The following FUT9 variants were observed in gnomAD, a reference collection of about 807,000 sequenced individuals.
The protein encoded by FUT9 is fucosyltransferase 9.
In FUT9, 15 loss-of-function variants were observed where a neutral mutation model predicts 29.7. The ratio of observed to expected loss-of-function variants is 0.51; its 90% CI spans 0.34 to 0.78. The LOEUF is 0.78. Among genes scored for constraint, FUT9 ranks in the 30% least tolerant of loss-of-function variants. FUT9 has a pLI of 0.01. For synonymous variants in FUT9, 169 were observed against 153.7 expected (o/e 1.10, Z -0.74); for missense variants, 319 against 425.4 (o/e 0.75, Z 2.20).
chr6:96,061,603 AT>A (rs929024334), intron 1 of FUT9, among the ~76,000 whole-genome samples: 2 of 151,616 alleles, frequency 1.3e-5, no homozygotes, highest in African/African-American at 2.4e-5. Flanking sequence ...TGCTTTTTAT[AT>A]TTTTTTCTGA....
intron 1 of FUT9, among the ~76,000 whole-genome samples, chr6:96,092,936 T>A (rs981150479): frequency 4.0e-5 from 6 of 150,714 alleles, no homozygotes; most frequent in Admixed American, 1.3e-4. Flanking sequence ...AATTAAAAAA[T>A]TTTAAAAAAA....
chr6:96,154,895 G>T (rs1289436523), intron 2 of FUT9, among the ~76,000 whole-genome samples: 6 of 152,186 alleles, frequency 3.9e-5, no homozygotes, highest in African/African-American at 1.4e-4. Flanking sequence ...ATAGGCAGTG[G>T]ATTAGGTTTC....
chr6:96,178,470 AT>A (rs1361949096), intron 2 of FUT9, among the ~76,000 whole-genome samples: 1 of 152,184 alleles, frequency 6.6e-6, no homozygotes, highest in Non-Finnish European at 1.5e-5. Context: ...ATCAAACTAT[AT>A]AATAAGGCTA....
intron 1 of FUT9, among the ~76,000 whole-genome samples, chr6:96,087,643 G>A (rs1424848336): frequency 6.6e-6 from 1 of 152,120 alleles, no homozygotes; most frequent in Non-Finnish European, 1.5e-5. Context: ...GGAATTACAT[G>A]CGTGAGCCAC....
chr6:96,083,826 C>CT (rs1452336111), intron 1 of FUT9, among the ~76,000 whole-genome samples: 1 of 152,046 alleles, frequency 6.6e-6, no homozygotes, highest in Non-Finnish European at 1.5e-5. Flanking sequence ...TAGCATTTCT[C>CT]TTATTTAATC....
chr6:96,044,651 T>TC (rs1311708345), intron 1 of FUT9, among the ~76,000 whole-genome samples: 2 of 152,204 alleles, frequency 1.3e-5, no homozygotes, highest in East Asian at 1.9e-4. Flanking sequence ...TGCTTTTTTT[T>TC]CCCCCTGATT....
intron 1 of FUT9, among the ~76,000 whole-genome samples, chr6:96,109,728 C>T (rs548195908): frequency 6.6e-6 from 1 of 152,312 alleles, no homozygotes; most frequent in South Asian, 2.1e-4. Flanking sequence ...AGGCTTGCCC[C>T]TCTATTGTCA....
chr6:96,022,721 C>A (rs1770095293), intron 1 of FUT9, among the ~76,000 whole-genome samples: 2 of 151,804 alleles, frequency 1.3e-5, no homozygotes, highest in South Asian at 4.1e-4. Flanking sequence ...CCCCTTTTTA[C>A]CTTTGTTCGT....
chr6:96,045,570 C>G (rs962507545), intron 1 of FUT9, among the ~76,000 whole-genome samples: 2 of 152,126 alleles, frequency 1.3e-5, no homozygotes, highest in African/African-American at 4.8e-5. Context: ...CCAAGACTGA[C>G]AAGTAAGCAG....
chr6:96,188,739 C>G (rs1203237785), intron 2 of FUT9, among the ~76,000 whole-genome samples: 2 of 148,656 alleles, frequency 1.3e-5, no homozygotes, highest in South Asian at 2.1e-4. Context: ...GTTAAATGAA[C>G]AGTAAGAAAT....
chr6:96,055,970 T>A (rs1250421598), intron 1 of FUT9, among the ~76,000 whole-genome samples: 1 of 152,198 alleles, frequency 6.6e-6, no homozygotes, highest in African/African-American at 2.4e-5. Context: ...AATATCAAAA[T>A]AATATTTGAA....
intron 2 of FUT9, among the ~76,000 whole-genome samples, chr6:96,152,933 G>C (rs1197305808): frequency 6.6e-6 from 1 of 152,290 alleles, no homozygotes; most frequent in East Asian, 1.9e-4. Flanking sequence ...GCTGAGCTTT[G>C]CCTCACAGAG....
chr6:96,112,359 T>C (rs1189468197), intron 1 of FUT9, among the ~76,000 whole-genome samples: 1 of 152,210 alleles, frequency 6.6e-6, no homozygotes, highest in East Asian at 1.9e-4. Context: ...TACAATGTCT[T>C]ATGCATTTGA....
intron 2 of FUT9, among the ~76,000 whole-genome samples, chr6:96,159,862 T>C (rs552746960): frequency 8.5e-5 from 13 of 152,324 alleles, no homozygotes; most frequent in African/African-American, 2.6e-4. Flanking sequence ...CACTGATCCA[T>C]GCTTTATTAG....
At chr6:96,165,154 G>T (rs536456712) in intron 2 of FUT9, among the ~76,000 whole-genome samples, 1 of 152,100 alleles carries the variant, frequency 6.6e-6, no homozygotes, top group Non-Finnish European at 1.5e-5. Flanking sequence ...CTCACAGGCT[G>T]GGAGTGGTGG....
chr6:96,198,919 T>C (rs1554199718), intron 2 of FUT9, among the ~76,000 whole-genome samples: 1 of 152,078 alleles, frequency 6.6e-6, no homozygotes, highest in Non-Finnish European at 1.5e-5. Flanking sequence ...ATGTCTTCTT[T>C]TGAGAAGTGT....
intron 2 of FUT9, among the ~76,000 whole-genome samples, chr6:96,164,494 G>A (rs1172512058): frequency 1.3e-5 from 2 of 152,034 alleles, no homozygotes. Context: ...TCCTGACCTC[G>A]TGATCCACCC....
At chr6:96,107,888 A>G (rs1771722107) in intron 1 of FUT9, among the ~76,000 whole-genome samples, 1 of 152,162 alleles carries the variant, frequency 6.6e-6, no homozygotes. Context: ...AGAGAGAAGG[A>G]ATAAGAAGAA....
intron 1 of FUT9, among the ~76,000 whole-genome samples, chr6:96,074,430 T>G (rs1024329782): frequency 6.6e-6 from 1 of 152,280 alleles, no homozygotes; most frequent in African/African-American, 2.4e-5. Flanking sequence ...GCCAAGTTTA[T>G]TAATATATAG....
Sources: gnomAD v4.1 joint callset for allele counts (sites outside exome capture counted in the v4.1 genomes callset) on GRCh38, gnomAD v4.1.1 for gene constraint, MANE v1.5 for transcripts, NCBI Gene and HGNC (gene_info 2026-07-23, HGNC 2026-07-21) for gene names.